Variants in SPAST observed in about 807,000 individuals in gnomAD.
SPAST encodes spastin.
In SPAST, 30 loss-of-function variants were observed where a neutral mutation model predicts 76.6. That is an observed-to-expected ratio of 0.39 (90% CI 0.29 to 0.53). The LOEUF (loss-of-function observed/expected upper bound fraction) is 0.53, where lower values mean the gene tolerates loss of function less well. Among genes scored for constraint, SPAST ranks in the 20% least tolerant of loss-of-function variants. The pLI, the probability that SPAST is intolerant of heterozygous loss-of-function variation, is 0.68. For missense variants in SPAST, 717 were observed against 770.5 expected, an observed-to-expected ratio of 0.93 and a Z score of 0.82; for synonymous variants, 305 against 281.0, an observed-to-expected ratio of 1.09 and a Z score of -0.86.
chr2:32,115,020 C>T (rs1419033675), intron 5 of SPAST, among the ~76,000 whole-genome samples, 195 bp downstream of exon 5: 2 of 145,412 alleles, frequency 1.4e-5, no homozygotes, highest in African/African-American at 5.1e-5. Flanking sequence ...GCGATCTCGG[C>T]TCATTGCAAC....
chr2:32,097,509 G>A (rs1025826223), intron 3 of SPAST, among the ~76,000 whole-genome samples: 3 of 151,952 alleles, frequency 2.0e-5, no homozygotes, highest in African/African-American at 4.8e-5. Flanking sequence ...TACACAAATG[G>A]TAGGGTATTG....
Position 32,088,743 on chromosome 2 carries a change from C to T in SPAST, c.503-779C>T, listed in dbSNP as rs1329361589. On this transcript the variant is annotated intron_variant, in intron 2 of 16. Transcript: ENST00000315285. ...CAATTTAATTAAAGTATGATATATG[C>T]TCTTTTCATCACTTAGAATTTGAAT... Among the ~76,000 whole-genome samples, 2 of 152,152 alleles carry T rather than the reference C, an allele frequency of 1.3e-5. 1 individual carries two copies. Among genetic ancestry groups the T allele is most frequent in the South Asian group, 4.1e-4 (2 of 4,830 alleles).
intron 1 of SPAST, among the ~76,000 whole-genome samples, chr2:32,064,510 T>G (rs1479974761): frequency 2.0e-5 from 3 of 152,214 alleles, no homozygotes; most frequent in Non-Finnish European, 4.4e-5. Context: ...CAGGTCACTA[T>G]GAGACACCCA....
At chr2:32,069,829 G>T (rs1397545210) in intron 1 of SPAST, among the ~76,000 whole-genome samples, 1 of 152,012 alleles carries the variant, frequency 6.6e-6, no homozygotes, top group South Asian at 2.1e-4. Flanking sequence ...AAAGTGTTGG[G>T]ATTACAGGTG....
intron 4 of SPAST, among the ~76,000 whole-genome samples, chr2:32,105,035 C>T (rs1678265714): frequency 6.6e-6 from 1 of 152,158 alleles, no homozygotes; most frequent in African/African-American, 2.4e-5. Flanking sequence ...TGGATAATAT[C>T]CTGCAGAGTG....
chr2:32,133,744 A>G (rs146948576), intron 9 of SPAST, among the ~76,000 whole-genome samples: 12 of 152,214 alleles, frequency 7.9e-5, no homozygotes, highest in Admixed American at 2.6e-4. Flanking sequence ...TTGGTCTTCA[A>G]TACATCAGTA....
At chr2:32,107,740 A>G (rs13392496) in intron 4 of SPAST, among the ~76,000 whole-genome samples, 6,861 of 152,264 alleles carry the variant, frequency 0.045, 226 homozygotes, top group Non-Finnish European at 0.07. Context: ...TACTCAACCC[A>G]TAATCTTTTC....
chr2:32,082,921 G>A (rs1273768341), intron 1 of SPAST, among the ~76,000 whole-genome samples: 1 of 152,084 alleles, frequency 6.6e-6, no homozygotes, highest in African/African-American at 2.4e-5. Context: ...TTCACTAAAT[G>A]ATTTGGGTTG....
chr2:32,076,060 C>G (rs576239482), intron 1 of SPAST, among the ~76,000 whole-genome samples: 19 of 151,718 alleles, frequency 1.3e-4, no homozygotes, highest in Middle Eastern at 3.4e-3. Context: ...GCCACCACGC[C>G]TGGCTAATTT....
intron 16 of SPAST, 59 bp downstream of exon 16, chr2:32,147,317 C>T (rs1437569442): frequency 8.2e-6 from 5 of 606,962 alleles, no homozygotes; most frequent in African/African-American, 7.9e-5. Flanking sequence ...ATATATAAGA[C>T]ATACATATAT....
At chr2:32,146,260 A>G (rs986776396) in intron 15 of SPAST, among the ~76,000 whole-genome samples, 6 of 152,322 alleles carry the variant, frequency 3.9e-5, no homozygotes, top group Admixed American at 6.5e-5. Context: ...ATTCGCATCC[A>G]TTAAAGTACA....
intron 3 of SPAST, among the ~76,000 whole-genome samples, chr2:32,093,191 G>A (rs1677789654): frequency 6.8e-6 from 1 of 146,106 alleles, no homozygotes; most frequent in South Asian, 2.2e-4. Context: ...GGCGCCTGTA[G>A]TCCCAGCTAC....
In SPAST at chr2:32,156,708, T is replaced by C. The variant is rs1360379204; in HGVS notation, c.*2212T>C. ...TAACTGGCTAATCATATTAAAGGAC[T>C]ATGTGGTTCCAGCTCAACTTTTAAT... On this transcript the variant is annotated 3_prime_UTR_variant, in exon 17 of 17. Coordinates refer to ENST00000315285, the MANE Select transcript of SPAST (RefSeq NM_014946.4). 6.6e-6 allele frequency: 1 copy of C among 152,224 alleles called. No individual in the cohort carries two copies. Among genetic ancestry groups the C allele is most frequent in the Non-Finnish European group, 1.5e-5 (1 of 68,026 alleles). The allele number at this position is 152,224 out of a possible 1,614,324, so 9.4% of individuals were successfully genotyped here. A position where few individuals can be genotyped will look rare whatever the true frequency, so the allele number is the denominator to read the frequency against.
chr2:32,113,558 A>G (rs894586324), intron 4 of SPAST, among the ~76,000 whole-genome samples: 6 of 140,088 alleles, frequency 4.3e-5, no homozygotes, highest in Admixed American at 1.5e-4. Context: ...TTTGCTTCAT[A>G]ACTTTTTTTT....
chr2:32,116,954 G>A (rs913598604), intron 7 of SPAST, among the ~76,000 whole-genome samples: 27 of 151,858 alleles, frequency 1.8e-4, no homozygotes, highest in African/African-American at 5.3e-4. Flanking sequence ...GTGACAGAGC[G>A]AGATGTCATC....
chr2:32,107,525 T>G (rs1230498489), intron 4 of SPAST, among the ~76,000 whole-genome samples: 1 of 152,152 alleles, frequency 6.6e-6, no homozygotes, highest in East Asian at 1.9e-4. Context: ...AGTGTTGGGA[T>G]TACAGTCATG....
chr2:32,093,279 C>G lies in SPAST; in HGVS notation c.586+3674C>G, dbSNP rs368551958. ...TGAGCCGAGATCCCGCCACTGCACT[C>G]CAGCCTGGGTGACAGAGCGAGACTC... is the stretch of plus-strand genomic sequence containing the variant. On this transcript the variant is annotated intron_variant, in intron 3 of 16. Transcript: ENST00000315285. Among the ~76,000 whole-genome samples, 6 of 146,664 alleles carry G rather than the reference C, an allele frequency of 4.1e-5. No individual in the cohort carries two copies. In the East Asian group the frequency reaches 6.0e-4, roughly 15 times the overall value.
chr2:32,075,917 T>TTTTTG (rs1558614717), intron 1 of SPAST, among the ~76,000 whole-genome samples: 1 of 144,062 alleles, frequency 6.9e-6, no homozygotes, highest in Non-Finnish European at 1.5e-5. Context: ...TTTTTTTTTT[T>TTTTTG]TGAGACAGAG....
intron 7 of SPAST, among the ~76,000 whole-genome samples, chr2:32,120,287 A>G (rs1678975338): frequency 6.6e-6 from 1 of 152,122 alleles, no homozygotes; most frequent in Non-Finnish European, 1.5e-5. Context: ...TGCATATCAT[A>G]GTAAATGAAC....
Sources: allele counts gnomAD v4.1 joint callset (sites outside exome capture counted in the v4.1 genomes callset), GRCh38; gene constraint gnomAD v4.1.1; transcripts MANE v1.5; gene names NCBI Gene and HGNC (gene_info 2026-07-23, HGNC 2026-07-21).